The following HMX1 variants were observed in gnomAD, a reference collection of about 807,000 sequenced individuals.
HMX1 encodes the protein homeobox protein HMX1.
HMX1 carries 8 observed loss-of-function variants against 8.9 expected under a neutral mutation model. The observed-to-expected ratio is 0.90, with a 90% confidence interval of 0.53 to 1.63. The LOEUF (loss-of-function observed/expected upper bound fraction) is 1.63, where lower values mean the gene tolerates loss of function less well. Ranked by LOEUF, HMX1 falls within the 40% of genes most tolerant of loss-of-function variation. The pLI is 0.00. For missense variants in HMX1, 621 were observed against 558.5 expected (o/e 1.11, Z -1.13); for synonymous variants, 311 against 283.4 (o/e 1.10, Z -0.98).
Position 8,867,901 on chromosome 4 carries a change from A to G in HMX1, c.839T>C (p.Val280Ala), listed in dbSNP as rs1722065347. The G allele has an allele frequency of 7.2e-7, 1 of 1,397,888 alleles. No individual in the cohort carries two copies. Among genetic ancestry groups the G allele is most frequent in the Non-Finnish European group, 9.3e-7 (1 of 1,073,716 alleles). The allele number at this position is 1,397,888 out of a possible 1,614,324, so 86.6% of individuals were successfully genotyped here. Reference sequence around the variant, plus strand: ...TTCGTGGTAGAGCACCGGCACGCGGACCAGGCGCTGCGCTCCCGGCGGGGA... The same window carrying G: ...TTCGTGGTAGAGCACCGGCACGCGGGCCAGGCGCTGCGCTCCCGGCGGGGA... ...SLSPPGAQRLVRVPVLYHESP... is the reference protein window; with the variant it reads ...SLSPPGAQRLARVPVLYHESP... The change falls in exon 2 of 2, where the codon GTC becomes GCC. Residue 280 changes from valine to alanine, a missense_variant. Physicochemically the swap from Val to Ala is moderately conservative, Grantham distance 64. Transcript: ENST00000400677.
At chr4:8,869,288 G>A (rs1390817946) in intron 1 of HMX1, among the ~76,000 whole-genome samples, 1 of 152,202 alleles carries the variant, frequency 6.6e-6, no homozygotes, top group Non-Finnish European at 1.5e-5. Flanking sequence ...GAGGCCAGCC[G>A]GGACCCAGAA....
chr4:8,871,140 G>T lies in HMX1; in HGVS notation c.394+81C>A. ...AGGATGGCCCAGAACGGGCGGCGAC[G>T]AGCCCGAAGTCCCCCAGCAAATGCG... On this transcript the variant is annotated intron_variant, in intron 1 of 1. Transcript: ENST00000400677. This position sits in a 1 kb window ranked among gnomAD's most constrained non-coding sequence, Gnocchi z 4.8. The T allele has an allele frequency of 2.4e-6, 3 of 1,243,436 alleles. No individual in the cohort carries two copies. In the South Asian group the frequency reaches 5.7e-5, roughly 24 times the overall value. The allele number at this position is 1,243,436 out of a possible 1,614,324, so 77.0% of individuals were successfully genotyped here.
intron 1 of HMX1, among the ~76,000 whole-genome samples, chr4:8,850,826 G>A (rs1721424446): frequency 6.6e-6 from 1 of 152,264 alleles, no homozygotes; most frequent in Admixed American, 6.5e-5. Context: ...GCTGGACCCA[G>A]GCTCCTGAGA....
chr4:8,850,906 G>A (rs1326642544), intron 1 of HMX1, among the ~76,000 whole-genome samples: 1 of 152,252 alleles, frequency 6.6e-6, no homozygotes, highest in Non-Finnish European at 1.5e-5. Context: ...TGTGCTGGGT[G>A]CCCCAGAGAG....
In HMX1 at chr4:8,869,855, C is replaced by T. The variant is rs139251409; in HGVS notation, c.394+1366G>A. ...CTCTGCAGGGGTGCCACCTGGGCTGCAGGAGGGGATGCACCCCAGGGATGA... is the reference window on the plus strand; with the variant it reads ...CTCTGCAGGGGTGCCACCTGGGCTGTAGGAGGGGATGCACCCCAGGGATGA... On this transcript the variant is annotated intron_variant, in intron 1 of 1. Transcript: ENST00000400677. Among the ~76,000 whole-genome samples, 694 of 152,280 alleles carry T rather than the reference C, an allele frequency of 4.6e-3. 4 individuals are homozygous for T. Among genetic ancestry groups the T allele is most frequent in the African/African-American group, 0.016 (647 of 41,552 alleles).
At chr4:8,857,315 T>C (rs758903408) in intron 1 of HMX1, among the ~76,000 whole-genome samples, 8 of 152,166 alleles carry the variant, frequency 5.3e-5, no homozygotes, top group Non-Finnish European at 8.8e-5. Context: ...GCCTCAGTCC[T>C]GGAGGGTCGG....
intron 1 of HMX1, among the ~76,000 whole-genome samples, chr4:8,858,112 C>A (rs1380513347): frequency 1.3e-5 from 2 of 151,876 alleles, no homozygotes; most frequent in East Asian, 2.0e-4. Context: ...GCAGGCCGAC[C>A]GCCCCCAAGC....
chr4:8,867,723 A>T lies in HMX1; in HGVS notation c.1017T>A (p.Phe339Leu). 7.8e-7 allele frequency: 1 copy of T among 1,280,860 alleles called. No homozygotes were observed. The highest frequency in any genetic ancestry group is 9.8e-7 in the Non-Finnish European group (1 of 1,017,374). 79.3% of individuals were successfully genotyped at this position (1,280,860 alleles called of 1,614,324 possible). Reference protein sequence around the residue: ...AAFPAAASVPFLRAQMPGLV With the variant: ...AAFPAAASVPLLRAQMPGLV ...CCAGGCCAGGCATCTGCGCCCGCAG[A>T]AAGGGCACGGAGGCGGCGGCCGGGA... Residue 339 changes from phenylalanine (F) to leucine (L), a missense_variant, in exon 2 of 2, where the codon TTT becomes TTA. Physicochemically the swap from Phe to Leu is conservative, Grantham distance 22. Coordinates refer to ENST00000400677, the MANE Select transcript of HMX1 (RefSeq NM_018942.3).
downstream of HMX1, among the ~76,000 whole-genome samples, chr4:8,862,937 A>G (rs1320920857): frequency 6.6e-6 from 1 of 152,052 alleles, no homozygotes; most frequent in Non-Finnish European, 1.5e-5. Flanking sequence ...CGGCCCACCT[A>G]TGAAGGGGTG....
chr4:8,846,458 A>AG, intron 1 of HMX1: 1 of 659,854 alleles, frequency 1.5e-6, no homozygotes, highest in Non-Finnish European at 2.5e-6. Flanking sequence ...TCCAAACTAC[A>AG]GGGACCTAGG....
chr4:8,859,315 T>C (rs1721718345), intron 1 of HMX1, among the ~76,000 whole-genome samples: 1 of 152,138 alleles, frequency 6.6e-6, no homozygotes, highest in Admixed American at 6.5e-5. Context: ...ACCATCCCGT[T>C]AGCACGATTT....
At chr4:8,861,493 C>G (rs1268053587) in intron 1 of HMX1, among the ~76,000 whole-genome samples, 3 of 152,192 alleles carry the variant, frequency 2.0e-5, no homozygotes, top group Non-Finnish European at 4.4e-5. Context: ...GGGGGAGCCT[C>G]GGTGACCAGG....
chr4:8,868,026 G>C lies in HMX1; in HGVS notation c.714C>G (p.Ala238=), dbSNP rs541897294. ...CCTGCGTCTCGGTGAGCTGCAGGGAGGCGGCCAGGCCGGCGCGCTCGGCGC... is the reference window on the plus strand; with the variant it reads ...CCTGCGTCTCGGTGAGCTGCAGGGACGCGGCCAGGCCGGCGCGCTCGGCGC... ...LSSAERAGLA[A]SLQLTETQVK... The change falls in exon 2 of 2, where the codon GCC becomes GCG. Residue 238 remains alanine, a synonymous_variant. Coordinates refer to ENST00000400677, the MANE Select transcript of HMX1 (RefSeq NM_018942.3). The surrounding 1 kb of genome is among the most constrained non-coding windows in gnomAD (Gnocchi z 4.6). 1 of 1,541,048 alleles carries C rather than the reference G, an allele frequency of 6.5e-7. No individual in the cohort carries two copies. Among genetic ancestry groups the C allele is most frequent in the East Asian group, 2.5e-5 (1 of 39,308 alleles).
At chr4:8,861,078 A>AGTCGCGTCCGC (rs1261079818) in intron 1 of HMX1, among the ~76,000 whole-genome samples, 2 of 151,640 alleles carry the variant, frequency 1.3e-5, no homozygotes, top group Non-Finnish European at 2.9e-5. Context: ...GGCGGGGCCG[A>AGTCGCGTCCGC]GTCGCGTCCG....
At chr4:8,867,024 C>A, downstream of HMX1, 1 of 962,526 alleles carries the variant, frequency 1.0e-6, no homozygotes, top group Non-Finnish European at 1.2e-6. Context: ...TCTCTGCCCT[C>A]GTGATCACAA....
Position 8,871,151 on chromosome 4 carries a change from C to G in HMX1, c.394+70G>C. The G allele has an allele frequency of 7.7e-7, 1 of 1,294,732 alleles. No individual in the cohort carries two copies. Among genetic ancestry groups the G allele is most frequent in the Non-Finnish European group, 9.9e-7 (1 of 1,013,924 alleles). 80.2% of individuals were successfully genotyped at this position (1,294,732 alleles called of 1,614,324 possible). A position where few individuals can be genotyped will look rare whatever the true frequency, so the allele number is the denominator to read the frequency against. On this transcript the variant is annotated intron_variant, in intron 1 of 1. Coordinates refer to ENST00000400677, the MANE Select transcript of HMX1 (RefSeq NM_018942.3). The surrounding 1 kb of genome is among the most constrained non-coding windows in gnomAD (Gnocchi z 4.8). ...GAACGGGCGGCGACGAGCCCGAAGT[C>G]CCCCAGCAAATGCGCAGGGAGGAAG...
At chr4:8,862,894 C>A (rs988742569), downstream of HMX1, among the ~76,000 whole-genome samples, 2 of 152,196 alleles carry the variant, frequency 1.3e-5, no homozygotes, top group Non-Finnish European at 2.9e-5. Flanking sequence ...ACACGCAGAG[C>A]TTAGCTCTGT....
intron 1 of HMX1, chr4:8,860,883 T>TGAGAACTGAGGGGCGAGGC (rs1721782565): frequency 6.8e-6 from 1 of 146,026 alleles, no homozygotes; most frequent in Non-Finnish European, 1.5e-5. Context: ...AGTGGCGAGG[T>TGAGAACTGAGGGGCGAGGC]GAGAACTGAG....
At chr4:8,851,999 G>T (rs1721462306) in intron 1 of HMX1, among the ~76,000 whole-genome samples, 1 of 152,272 alleles carries the variant, frequency 6.6e-6, no homozygotes, top group African/African-American at 2.4e-5. Context: ...GGCTCAAGCT[G>T]GTTCCCGGGC....
Sources: allele counts gnomAD v4.1 joint callset (sites outside exome capture counted in the v4.1 genomes callset), GRCh38; gene constraint gnomAD v4.1.1; non-coding constraint Gnocchi (gnomAD v3.1); transcripts MANE v1.5; gene names NCBI Gene and HGNC (gene_info 2026-07-23, HGNC 2026-07-21).